NBAS: variants seen among roughly 807,000 people sequenced by gnomAD.
NBAS encodes NBAS subunit of NRZ tethering complex.
A neutral mutation model predicts 302.5 loss-of-function variants in NBAS; 219 were observed. The observed-to-expected ratio is 0.72, with a 90% CI of 0.65 to 0.81. The LOEUF is 0.81. Ranked by LOEUF, NBAS falls within the 30% of genes least tolerant of loss-of-function variation. The pLI is 0.00. For missense variants in NBAS, 2,932 were observed against 2,841.6 expected, an observed-to-expected ratio of 1.03 and a Z score of -0.72; for synonymous variants, 1,118 against 1,021.6, an observed-to-expected ratio of 1.09 and a Z score of -1.80.
At chr2:15,246,746 G>A (rs1187036829) in intron 44 of NBAS, among the ~76,000 whole-genome samples, 2 of 152,230 alleles carry the variant, frequency 1.3e-5, no homozygotes, top group Non-Finnish European at 2.9e-5. Context: ...AGCTACTGAT[G>A]GCTGTTTATT....
At chr2:14,860,924 A>C in the NBAS span, among the ~76,000 whole-genome samples, 1 of 152,208 alleles carries the variant, frequency 6.6e-6, no homozygotes, top group Admixed American at 6.5e-5. Flanking sequence ...GACCGTTACA[A>C]ATTAGATTAA....
At chr2:15,218,683 C>T in intron 48 of NBAS, 90 bp downstream of exon 48, 5 of 1,556,036 alleles carry the variant, frequency 3.2e-6, no homozygotes, top group Non-Finnish European at 4.4e-6. Context: ...CCACCTTGGC[C>T]TCCCACAATG....
In NBAS at chr2:15,374,596, T is replaced by A. The variant is rs763747664; in HGVS notation, c.3703+12A>T. 3 of 1,599,718 alleles carry A rather than the reference T, an allele frequency of 1.9e-6. No individual in the cohort carries two copies. In the Admixed American group the frequency reaches 5.0e-5, roughly 27 times the overall value. ...AAGTTAGTAACAATGCAACAGTAAG[T>A]AGAAAACTCACCTTGCAAAGGCAGG... On this transcript the variant is annotated intron_variant, in intron 31 of 51. Transcript: ENST00000281513.
intron 9 of NBAS, among the ~76,000 whole-genome samples, chr2:15,520,922 T>C (rs1662639374): frequency 1.3e-5 from 2 of 152,220 alleles, no homozygotes; most frequent in African/African-American, 4.8e-5. Flanking sequence ...TTTCTCTACA[T>C]ACACAATAGC....
the NBAS span, among the ~76,000 whole-genome samples, chr2:14,976,562 G>GT: frequency 1.3e-5 from 2 of 152,184 alleles, no homozygotes; most frequent in African/African-American, 4.8e-5. Flanking sequence ...GTGTATTCTA[G>GT]GCCCACCTGT....
chr2:15,441,496 C>T (rs1176130128), intron 21 of NBAS, among the ~76,000 whole-genome samples: 2 of 151,740 alleles, frequency 1.3e-5, no homozygotes, highest in East Asian at 3.9e-4. Context: ...TAAAAGAGCT[C>T]CTGAAGGAAG....
the NBAS span, among the ~76,000 whole-genome samples, chr2:14,907,893 AG>A: frequency 6.6e-6 from 1 of 152,146 alleles, no homozygotes; most frequent in Non-Finnish European, 1.5e-5. Context: ...ATGAAACAGG[AG>A]GGGGAGACAA....
Position 15,359,370 on chromosome 2 carries a change from A to G in NBAS, c.3818-2954T>C, listed in dbSNP as rs1239549957. 2.0e-5 allele frequency among the ~76,000 whole-genome samples: 3 copies of G among 152,278 alleles called. No homozygotes were observed. The East Asian group carries it at 5.8e-4, about 29-fold the overall frequency. The stretch of plus-strand genomic sequence containing the variant: ...CATTTTTGCCAGGTCTTTTAAAAGT[A>G]TTTTCCCCTTTGAGTGTTCTTAAAT... On this transcript the variant is annotated intron_variant, in intron 32 of 51. Coordinates refer to ENST00000281513, the MANE Select transcript of NBAS (RefSeq NM_015909.4).
chr2:15,099,258 T>C, the NBAS span, among the ~76,000 whole-genome samples: 2 of 152,108 alleles, frequency 1.3e-5, no homozygotes, highest in African/African-American at 4.8e-5. Context: ...ATTGCTCCAC[T>C]GCACTCCAGC....
chr2:14,798,076 T>C, the NBAS span, among the ~76,000 whole-genome samples: 1 of 152,178 alleles, frequency 6.6e-6, no homozygotes, highest in Non-Finnish European at 1.5e-5. Context: ...TCTGCTCAAA[T>C]ATGCTATGTT....
chr2:15,434,244 G>A (rs1263861400), intron 21 of NBAS, among the ~76,000 whole-genome samples: 3 of 152,146 alleles, frequency 2.0e-5, no homozygotes, highest in Non-Finnish European at 4.4e-5. Flanking sequence ...AAACAAGAGA[G>A]ATAAACAAAA....
the NBAS span, among the ~76,000 whole-genome samples, chr2:14,900,710 C>T: frequency 6.6e-6 from 1 of 152,128 alleles, no homozygotes; most frequent in Non-Finnish European, 1.5e-5. Context: ...AAGTCCTATT[C>T]TTAAGAGAAG....
chr2:14,982,721 T>A, the NBAS span, among the ~76,000 whole-genome samples: 22 of 152,282 alleles, frequency 1.4e-4, no homozygotes, highest in African/African-American at 5.1e-4. Flanking sequence ...ACAAGGCAAG[T>A]ATTTGCCCCA....
the NBAS span, among the ~76,000 whole-genome samples, chr2:14,867,575 G>C: frequency 6.6e-6 from 1 of 152,146 alleles, no homozygotes; most frequent in Non-Finnish European, 1.5e-5. Context: ...GCACTAATAA[G>C]CATGCCAAAA....
the NBAS span, among the ~76,000 whole-genome samples, chr2:14,793,995 T>A: frequency 5.3e-5 from 8 of 152,120 alleles, no homozygotes; most frequent in African/African-American, 1.9e-4. Flanking sequence ...CATTCTCAGA[T>A]AAAGGAATAC....
intron 48 of NBAS, among the ~76,000 whole-genome samples, chr2:15,194,899 T>C (rs559191458): frequency 6.6e-6 from 1 of 152,044 alleles, no homozygotes; most frequent in East Asian, 1.9e-4. Context: ...AGACATAAAT[T>C]GGAAAGAAAA....
chr2:15,055,749 G>A, the NBAS span, among the ~76,000 whole-genome samples: 2 of 152,192 alleles, frequency 1.3e-5, no homozygotes, highest in African/African-American at 4.8e-5. Context: ...GCATGGCAAT[G>A]GGAGTCGGGT....
chr2:15,505,980 A>C (rs1291621131), intron 10 of NBAS, among the ~76,000 whole-genome samples: 2 of 152,110 alleles, frequency 1.3e-5, no homozygotes, highest in Non-Finnish European at 2.9e-5. Context: ...TATCTAAAAA[A>C]TAAAGAATAA....
At chr2:15,553,815 T>C (rs1664502322) in intron 4 of NBAS, among the ~76,000 whole-genome samples, 1 of 112,436 alleles carries the variant, frequency 8.9e-6, no homozygotes, top group African/African-American at 3.4e-5. Flanking sequence ...CCTCCCTCCC[T>C]CTCTCCCTCT....
Sources: allele counts gnomAD v4.1 joint callset (sites outside exome capture counted in the v4.1 genomes callset), GRCh38; gene constraint gnomAD v4.1.1; transcripts MANE v1.5; gene names NCBI Gene and HGNC (gene_info 2026-07-23, HGNC 2026-07-21).